The following FILIP1L variants were observed in gnomAD, a reference collection of about 807,000 sequenced individuals.
The protein encoded by FILIP1L is filamin A-interacting protein 1-like.
A neutral mutation model predicts 96.6 loss-of-function variants in FILIP1L; 55 were observed. That is an observed-to-expected ratio of 0.57 (90% confidence interval 0.46 to 0.71). FILIP1L has a LOEUF of 0.71. FILIP1L is among the 30% of genes least tolerant of loss of function. The probability of loss-of-function intolerance (pLI) is 0.00; values close to 1 mark genes in which losing one functional copy is unlikely to be tolerated. For synonymous variants in FILIP1L, 467 were observed against 473.9 expected, an observed-to-expected ratio of 0.99 and a Z score of 0.19; for missense variants, 1,304 against 1,321.2, an observed-to-expected ratio of 0.99 and a Z score of 0.20.
intron 4 of FILIP1L, among the ~76,000 whole-genome samples, chr3:99,881,097 A>C (rs1705711185): frequency 6.6e-6 from 1 of 152,164 alleles, no homozygotes; most frequent in South Asian, 2.1e-4. Flanking sequence ...TCTATTTAAT[A>C]AGGAATCATC....
At chr3:99,981,847 G>A (rs541013323) in intron 1 of FILIP1L, among the ~76,000 whole-genome samples, 2 of 152,286 alleles carry the variant, frequency 1.3e-5, no homozygotes, top group South Asian at 4.1e-4. Flanking sequence ...ACATTGCAGA[G>A]TCAAGCCACG....
intron 5 of FILIP1L, among the ~76,000 whole-genome samples, chr3:99,839,077 G>A (rs191012692): frequency 6.6e-6 from 1 of 152,048 alleles, no homozygotes; most frequent in Non-Finnish European, 1.5e-5. Context: ...CCTCTTTGGA[G>A]CACCTTTCTT....
chr3:99,873,993 A>G (rs1705375743), intron 4 of FILIP1L, among the ~76,000 whole-genome samples: 1 of 152,236 alleles, frequency 6.6e-6, no homozygotes, highest in Non-Finnish European at 1.5e-5. Flanking sequence ...AGGACTAAGA[A>G]ATTGCTCATC....
chr3:99,933,666 T>G (rs1048553809), intron 1 of FILIP1L, among the ~76,000 whole-genome samples: 4 of 152,196 alleles, frequency 2.6e-5, no homozygotes, highest in African/African-American at 9.7e-5. Flanking sequence ...ATATTTAATA[T>G]AGGTAAATAT....
intron 1 of FILIP1L, among the ~76,000 whole-genome samples, chr3:99,961,726 T>C (rs1316872504): frequency 6.6e-6 from 1 of 152,202 alleles, no homozygotes; most frequent in African/African-American, 2.4e-5. Flanking sequence ...AAGAATATTC[T>C]TCTCCTTCCA....
At chr3:99,950,463 C>T (rs1708142539) in intron 1 of FILIP1L, among the ~76,000 whole-genome samples, 1 of 152,152 alleles carries the variant, frequency 6.6e-6, no homozygotes. Context: ...ATGCACATGT[C>T]CTATTCCTGA....
chr3:100,097,167 T>C (rs745619908), intron 1 of FILIP1L, among the ~76,000 whole-genome samples: 108 of 152,236 alleles, frequency 7.1e-4, no homozygotes, highest in Non-Finnish European at 6.6e-4. Flanking sequence ...ATGCGAGAGA[T>C]CTAGGTTACA....
intron 4 of FILIP1L, among the ~76,000 whole-genome samples, chr3:99,901,982 G>A (rs969074076): frequency 6.6e-6 from 1 of 152,036 alleles, no homozygotes; most frequent in Non-Finnish European, 1.5e-5. Context: ...AAAACACAGA[G>A]TGTTTTTTTC....
intron 4 of FILIP1L, among the ~76,000 whole-genome samples, chr3:99,891,080 C>T (rs1319912513): frequency 6.6e-6 from 1 of 150,626 alleles, no homozygotes; most frequent in Non-Finnish European, 1.5e-5. Flanking sequence ...TCAGACCACC[C>T]AGTTAGTATG....
chr3:100,049,349 C>A (rs1180579285), intron 1 of FILIP1L, among the ~76,000 whole-genome samples: 1 of 152,112 alleles, frequency 6.6e-6, no homozygotes, highest in Non-Finnish European at 1.5e-5. Context: ...TAGGGTCTTA[C>A]CGAACTTACC....
rs114308646 is a variant in FILIP1L at position 100,002,592 on chromosome 3, C to G, written c.-10-71562G>C. Among the ~76,000 whole-genome samples the G allele has an allele frequency of 2.7e-3, 415 of 152,278 alleles. 2 individuals are homozygous for G. The highest frequency in any genetic ancestry group is 9.5e-3 in the African/African-American group (395 of 41,562). ...ATAAAAAGTAAAGCTGATTTTATGC[C>G]TAGCTTTTAAAACCAAATGCATATC... On this transcript the variant is annotated intron_variant, in intron 1 of 5. Transcript: ENST00000477258.
rs142608416 is a variant in FILIP1L at position 99,835,322 on chromosome 3, A to G, written c.3382-4717T>C. On this transcript the variant is annotated intron_variant, in intron 5 of 5. Transcript: ENST00000477258. ...TCTTTTTTAGAGTTCACCCAGAGAC[A>G]TTATCTGTTCTTTCCTGTTTTCATG... Among the ~76,000 whole-genome samples the G allele has an allele frequency of 4.3e-3, 659 of 152,276 alleles. 6 individuals are homozygous for G. The highest frequency in any genetic ancestry group is 0.016 in the African/African-American group (646 of 41,542).
At chr3:100,046,998 T>C (rs916420534) in intron 1 of FILIP1L, among the ~76,000 whole-genome samples, 31 of 152,330 alleles carry the variant, frequency 2.0e-4, no homozygotes, top group African/African-American at 7.5e-4. Flanking sequence ...ATATAATAAT[T>C]GACTATCAAC....
At chr3:99,935,446 A>G (rs1490679975) in intron 1 of FILIP1L, among the ~76,000 whole-genome samples, 2 of 152,164 alleles carry the variant, frequency 1.3e-5, no homozygotes, top group Non-Finnish European at 2.9e-5. Flanking sequence ...GATAACCTTC[A>G]GGAGTGTAGG....
Position 99,930,875 on chromosome 3 carries a change from G to C in FILIP1L, c.146C>G (p.Pro49Arg). The C allele has an allele frequency of 6.2e-7, 1 of 1,612,860 alleles. No individual in the cohort carries two copies. The highest frequency in any genetic ancestry group is 8.5e-7 in the Non-Finnish European group (1 of 1,179,642). ...DSPSESDVIL[P>R]CPKAEKPHSG... ...GTGTGGCTTCTCTGCCTTGGGACAC[G>C]GAAGTATTACATCCGACTCACTGGG... Residue 49 changes from proline to arginine, a missense_variant, in exon 2 of 6, where the codon CCG becomes CGG. By Grantham distance (103) the Pro-to-Arg change is moderately radical. Transcript: ENST00000477258.
intron 1 of FILIP1L, among the ~76,000 whole-genome samples, chr3:100,111,303 A>G (rs1485097051): frequency 6.6e-6 from 1 of 152,122 alleles, no homozygotes; most frequent in Non-Finnish European, 1.5e-5. Flanking sequence ...GGCTATGAGT[A>G]CTCATGTTGA....
intron 4 of FILIP1L, among the ~76,000 whole-genome samples, chr3:99,873,485 C>T (rs955330832): frequency 1.3e-5 from 2 of 152,080 alleles, no homozygotes; most frequent in Non-Finnish European, 2.9e-5. Context: ...TTCCTTTTTC[C>T]TTTAAATAGG....
At chr3:100,106,422 T>C (rs2066396390) in intron 1 of FILIP1L, among the ~76,000 whole-genome samples, 2 of 152,112 alleles carry the variant, frequency 1.3e-5, no homozygotes, top group African/African-American at 4.8e-5. Flanking sequence ...TTATGCAAGA[T>C]ATGGCCCCAG....
Position 99,926,352 on chromosome 3 carries a change from G to T in FILIP1L, c.427-1944C>A, listed in dbSNP as rs1576577622. Among the ~76,000 whole-genome samples, 7 of 152,320 alleles carry T rather than the reference G, an allele frequency of 4.6e-5. 2 individuals are homozygous for T. Among genetic ancestry groups the T allele is most frequent in the Admixed American group, 4.6e-4 (7 of 15,296 alleles). On this transcript the variant is annotated intron_variant, in intron 3 of 5. Transcript: ENST00000477258. ...CAGTCCTTTTGTGAAAGCTGAAACT[G>T]CTATGTTGTATTGCCTGCTGGCAGA...
Sources: allele counts gnomAD v4.1 joint callset (sites outside exome capture counted in the v4.1 genomes callset), GRCh38; gene constraint gnomAD v4.1.1; transcripts MANE v1.5; gene names NCBI Gene and HGNC (gene_info 2026-07-23, HGNC 2026-07-21).